The following FRY variants were observed in gnomAD, a reference collection of about 807,000 sequenced individuals.
The protein encoded by FRY is FRY microtubule binding protein, also known as protein furry homolog.
FRY carries 128 observed loss-of-function variants against 348.4 expected under a neutral mutation model. The ratio of observed to expected loss-of-function variants is 0.37; its 90% confidence interval spans 0.32 to 0.43. The LOEUF (loss-of-function observed/expected upper bound fraction) is 0.43. FRY is among the 20% of genes least tolerant of loss of function. The probability of loss-of-function intolerance (pLI) is 1.00; values close to 1 mark genes in which losing one functional copy is unlikely to be tolerated. For synonymous variants in FRY, 1,370 were observed against 1,374.7 expected (o/e 1.00, Z 0.08); for missense variants, 2,736 against 3,695.2 (o/e 0.74, Z 6.73).
chr13:32,085,411 A>C (rs1875791288), intron 2 of FRY, among the ~76,000 whole-genome samples: 1 of 152,228 alleles, frequency 6.6e-6, no homozygotes, highest in African/African-American at 2.4e-5. Context: ...TTGACTTTGT[A>C]GATCAAATGG....
chr13:32,146,872 A>T (rs180705092), intron 11 of FRY, among the ~76,000 whole-genome samples: 62 of 152,260 alleles, frequency 4.1e-4, no homozygotes, highest in African/African-American at 1.5e-3. Context: ...ATCAGATGGG[A>T]TGGGGATGGG....
chr13:32,216,077 A>T (rs1438275768), intron 35 of FRY, among the ~76,000 whole-genome samples: 1 of 152,160 alleles, frequency 6.6e-6, no homozygotes, highest in East Asian at 1.9e-4. Context: ...AGTATTATTA[A>T]TTTGAGCTAA....
intron 1 of FRY, 139 bp downstream of exon 1, chr13:32,032,004 T>TCTTTCTTC: frequency 3.2e-6 from 2 of 615,696 alleles, no homozygotes; most frequent in South Asian, 2.0e-5. Context: ...CTTTTCTCTT[T>TCTTTCTTC]CTTTCTTTCT....
chr13:32,126,191 T>G (rs550940732), intron 7 of FRY, among the ~76,000 whole-genome samples: 10 of 152,230 alleles, frequency 6.6e-5, no homozygotes, highest in Non-Finnish European at 1.3e-4. Flanking sequence ...AATGAGGTAT[T>G]AACATGTATA....
intron 1 of FRY, among the ~76,000 whole-genome samples, chr13:32,056,408 T>G (rs907843639): frequency 2.0e-5 from 3 of 152,330 alleles, no homozygotes; most frequent in African/African-American, 7.2e-5. Context: ...ATACACATTT[T>G]CAGGTTGCAT....
chr13:32,133,039 G>T (rs187874063), intron 8 of FRY, among the ~76,000 whole-genome samples: 1 of 152,316 alleles, frequency 6.6e-6, no homozygotes, highest in East Asian at 1.9e-4. Flanking sequence ...TGGGGATGGG[G>T]AGTGGATAGG....
rs1192096559 is a variant in FRY at position 32,171,235 on chromosome 13, G to A, written c.2116G>A (p.Val706Ile). The A allele has an allele frequency of 1.3e-6, 2 of 1,562,098 alleles. No individual in the cohort carries two copies. The highest frequency in any genetic ancestry group is 1.7e-4 in the Middle Eastern group (1 of 5,748). The change falls in exon 18 of 61, where the codon GTC (valine) becomes ATC (isoleucine). Residue 706 changes from valine to isoleucine, a missense_variant. Physicochemically the swap from Val to Ile is conservative, Grantham distance 29. Coordinates refer to ENST00000542859, the MANE Select transcript of FRY (RefSeq NM_023037.3). ...ACTAGTCATCCAGACACAAGGAAAA[G>A]TCTATGAACAAGCCAACAAAATCAG... is the stretch of plus-strand genomic sequence containing the variant. ...WKLVIQTQGK[V>I]YEQANKIRNS...
At chr13:32,124,941 T>C in intron 7 of FRY, 66 bp downstream of exon 7, 1 of 1,174,090 alleles carries the variant, frequency 8.5e-7, no homozygotes, top group South Asian at 1.2e-5. Flanking sequence ...CCAGCCCTAA[T>C]TTAGGGAAGT....
At chr13:32,090,315 T>C (rs1876203239) in intron 2 of FRY, among the ~76,000 whole-genome samples, 1 of 126,952 alleles carries the variant, frequency 7.9e-6, no homozygotes, top group South Asian at 2.4e-4. Context: ...ACCACTGCAC[T>C]CTAGCAGCCT....
intron 50 of FRY, among the ~76,000 whole-genome samples, chr13:32,252,761 A>G (rs939175275): frequency 2.6e-5 from 4 of 152,196 alleles, no homozygotes; most frequent in African/African-American, 9.6e-5. Context: ...TTAGAGGCTC[A>G]TAAATACTTG....
chr13:32,058,350 A>T (rs1421100807), intron 1 of FRY, among the ~76,000 whole-genome samples: 1 of 152,252 alleles, frequency 6.6e-6, no homozygotes, highest in Non-Finnish European at 1.5e-5. Flanking sequence ...AAATGCTATC[A>T]TAATTTAACC....
At chr13:32,249,865 T>C (rs868867061) in intron 49 of FRY, among the ~76,000 whole-genome samples, 178 bp downstream of exon 49, 1 of 152,208 alleles carries the variant, frequency 6.6e-6, no homozygotes, top group Non-Finnish European at 1.5e-5. Flanking sequence ...GAACAGTTCA[T>C]CACCTTGAGT....
intron 58 of FRY, among the ~76,000 whole-genome samples, chr13:32,280,269 CATA>C (rs1249885733): frequency 6.6e-6 from 1 of 152,172 alleles, no homozygotes; most frequent in Non-Finnish European, 1.5e-5. Context: ...TAATGACTTA[CATA>C]ATGTCTCCCA....
intron 11 of FRY, among the ~76,000 whole-genome samples, chr13:32,144,871 G>A (rs1205811249): frequency 6.6e-6 from 1 of 152,164 alleles, no homozygotes; most frequent in Non-Finnish European, 1.5e-5. Flanking sequence ...AGGAGTGGAA[G>A]GGCTATGCTA....
At chr13:32,117,786 AT>A (rs2138695327) in intron 4 of FRY, among the ~76,000 whole-genome samples, 1 of 152,330 alleles carries the variant, frequency 6.6e-6, no homozygotes, top group East Asian at 1.9e-4. Context: ...CCAAAGCAGA[AT>A]GCTGACTTCA....
Position 32,173,453 on chromosome 13 carries a change from G to A in FRY, c.2238G>A (p.Leu746=). The change falls in exon 19 of 61, where the codon CTG becomes CTA. Residue 746 remains leucine, a synonymous_variant. Transcript: ENST00000542859. ...SVLHAVEGFA[L]VLLCSFQVAT... is the part of the protein sequence containing the mutation. Reference sequence around the variant, plus strand: ...TCCACGCTGTAGAAGGTTTTGCTCTGGTTTTACTCTGCAGTTTCCAGGTGG... The same window carrying A: ...TCCACGCTGTAGAAGGTTTTGCTCTAGTTTTACTCTGCAGTTTCCAGGTGG... 6.2e-7 allele frequency: 1 copy of A among 1,613,026 alleles called. No individual in the cohort carries two copies. The highest frequency in any genetic ancestry group is 8.5e-7 in the Non-Finnish European group (1 of 1,179,708).
At chr13:32,245,943 ATTAC>A (rs1045987944) in intron 47 of FRY, among the ~76,000 whole-genome samples, 6 of 152,224 alleles carry the variant, frequency 3.9e-5, no homozygotes, top group Non-Finnish European at 7.3e-5. Flanking sequence ...ACTTCACCAA[ATTAC>A]TTACAGAAAT....
At chr13:32,172,225 T>C (rs1443984696) in intron 18 of FRY, among the ~76,000 whole-genome samples, 1 of 151,900 alleles carries the variant, frequency 6.6e-6, no homozygotes, top group East Asian at 1.9e-4. Context: ...AATGTGGATG[T>C]GATAGGGATG....
intron 11 of FRY, among the ~76,000 whole-genome samples, chr13:32,143,787 A>G (rs1401199492): frequency 6.6e-6 from 1 of 152,200 alleles, no homozygotes; most frequent in Non-Finnish European, 1.5e-5. Flanking sequence ...GCTTGATGGC[A>G]GGTGTCTTCT....
Sources: gnomAD v4.1 joint callset for allele counts (sites outside exome capture counted in the v4.1 genomes callset) on GRCh38, gnomAD v4.1.1 for gene constraint, MANE v1.5 for transcripts, NCBI Gene and HGNC (gene_info 2026-07-23, HGNC 2026-07-21) for gene names.